Variants in OAS3 observed in about 807,000 individuals in gnomAD.
The protein encoded by OAS3 is 2'-5'-oligoadenylate synthase 3.
A neutral mutation model predicts 113.0 loss-of-function variants in OAS3; 107 were observed. That is an observed-to-expected ratio of 0.95 (90% CI 0.81 to 1.11). The LOEUF is 1.11. Among genes scored for constraint, OAS3 ranks in the 50% most tolerant of loss-of-function variants. The probability of loss-of-function intolerance (pLI) is 0.00; values close to 1 mark genes in which losing one functional copy is unlikely to be tolerated. For synonymous variants in OAS3, 552 were observed against 573.6 expected (o/e 0.96, Z 0.54); for missense variants, 1,258 against 1,389.1 (o/e 0.91, Z 1.50).
In OAS3 at chr12:112,949,943, C is replaced by T. The variant is rs372871875; in HGVS notation, c.1374+738C>T. Reference sequence around the variant, plus strand: ...CTGAGGCAGGAAAATCGCTTGAACCCGGGAGGCGGAGGTTGCAGTGAGCTG... The same window carrying T: ...CTGAGGCAGGAAAATCGCTTGAACCTGGGAGGCGGAGGTTGCAGTGAGCTG... On this transcript the variant is annotated intron_variant, in intron 6 of 15. Coordinates refer to ENST00000228928, the MANE Select transcript of OAS3 (RefSeq NM_006187.4). Among the ~76,000 whole-genome samples the T allele has an allele frequency of 2.0e-4, 31 of 152,238 alleles. No individual in the cohort carries two copies. The South Asian group carries it at 3.5e-3, about 17-fold the overall frequency.
intron 7 of OAS3, 90 bp downstream of exon 7, chr12:112,951,065 A>G (rs2043787501): frequency 2.5e-5 from 34 of 1,341,396 alleles, no homozygotes; most frequent in Non-Finnish European, 3.4e-5. Flanking sequence ...TGTGATCCTA[A>G]TTCTCCTACT....
chr12:112,946,650 C>G (rs867524918), intron 3 of OAS3, 93 bp from the exon 4 acceptor site: 5 of 1,106,904 alleles, frequency 4.5e-6, no homozygotes, highest in Non-Finnish European at 6.5e-6. Flanking sequence ...GCCTCAGGCT[C>G]GGCCTGGAAG....
chr12:112,951,659 T>C (rs117899664), intron 7 of OAS3, among the ~76,000 whole-genome samples: 22 of 152,182 alleles, frequency 1.4e-4, no homozygotes, highest in African/African-American at 4.1e-4. Context: ...ATCAATTCTT[T>C]GGAATTTGTT....
rs1410510614 is a variant in OAS3, at chr12:112,948,968, A to T, written c.1137A>T (p.Ala379=). 8.1e-6 allele frequency: 13 copies of T among 1,613,842 alleles called. No individual in the cohort carries two copies. Among genetic ancestry groups the T allele is most frequent in the Non-Finnish European group, 1.0e-5 (12 of 1,179,882 alleles). Residue 379 remains alanine (A), a synonymous_variant, in exon 6 of 16, where the codon GCA becomes GCT. Transcript: ENST00000228928. ...SKSLNAVYPR[A]GSKPPSCPAP... is the part of the protein sequence containing the mutation. ...GCCTCAATGCTGTGTACCCAAGAGCAGGGAGCAAACCTCCCTCATGCCCAG... is the reference window on the plus strand; with the variant it reads ...GCCTCAATGCTGTGTACCCAAGAGCTGGGAGCAAACCTCCCTCATGCCCAG...
At position 112,941,705 on chromosome 12, in the gene OAS3, C is replaced by G; in HGVS notation, c.313C>G (p.Leu105Val). Residue 105 changes from leucine (L) to valine (V), a missense_variant, in exon 2 of 16, where the codon CTG becomes GTG. Physicochemically the swap from Leu to Val is conservative, Grantham distance 32. Transcript: ENST00000228928. ...GATCCTCAGTGAGATGCGGGCATCGCTGGAATCCTGGTGGCAGAACCCAGT... is the reference window on the plus strand; with the variant it reads ...GATCCTCAGTGAGATGCGGGCATCGGTGGAATCCTGGTGGCAGAACCCAGT... ...AEILSEMRAS[L>V]ESWWQNPVPG... 6.2e-7 allele frequency: 1 copy of G among 1,614,076 alleles called. No homozygotes were observed. Among genetic ancestry groups the G allele is most frequent in the Non-Finnish European group, 8.5e-7 (1 of 1,179,902 alleles).
rs781335794 is a variant in OAS3 at position 112,946,962 on chromosome 12, C to A, written c.856C>A (p.Arg286=). The change falls in exon 4 of 16, where the codon CGG becomes AGG. Residue 286 remains arginine, a synonymous_variant. Transcript: ENST00000228928. The part of the protein sequence containing the change: ...EDPAVGQFLQ[R]QLKRPRPVIL... ...CCCTGCAGTTGGGCAGTTCTTGCAG[C>A]GGCAGCTTAAGAGACCCAGGTACTT... 1 of 1,613,800 alleles carries A rather than the reference C, an allele frequency of 6.2e-7. No individual in the cohort carries two copies. The highest frequency in any genetic ancestry group is 8.5e-7 in the Non-Finnish European group (1 of 1,179,832).
Position 112,962,903 on chromosome 12 carries a change from G to T in OAS3, c.2084+1G>T, listed in dbSNP as rs753735079. On this transcript the variant is annotated splice_donor_variant, in intron 9 of 15. Coordinates refer to ENST00000228928, the MANE Select transcript of OAS3 (RefSeq NM_006187.4). LOFTEE classifies it high-confidence loss of function. ...TTCTTGGCCAGCTTCGAAAACCCAG[G>T]TGAAGACCCGCTTCCCTTTGCCTGG... 2.0e-5 allele frequency: 33 copies of T among 1,612,768 alleles called. 1 individual carries two copies. The highest frequency in any genetic ancestry group is 2.7e-5 in the African/African-American group (2 of 74,866).
At chr12:112,943,071 G>A (rs1258938998) in intron 2 of OAS3, among the ~76,000 whole-genome samples, 1 of 151,872 alleles carries the variant, frequency 6.6e-6, no homozygotes, top group African/African-American at 2.4e-5. Context: ...GAGTAGCTGG[G>A]CTACAGGCAT....
intron 2 of OAS3, chr12:112,942,307 G>A (rs1228572734): frequency 1.5e-5 from 4 of 273,456 alleles, no homozygotes; most frequent in Non-Finnish European, 2.8e-5. Context: ...ATAAAAATAG[G>A]CCTCTGTGTC....
At chr12:112,944,073 G>A (rs2043704982) in intron 2 of OAS3, among the ~76,000 whole-genome samples, 2 of 152,290 alleles carry the variant, frequency 1.3e-5, no homozygotes, top group African/African-American at 2.4e-5. Context: ...TTTCCTCTCC[G>A]TGACACCTCT....
At chr12:112,944,453 C>G in intron 2 of OAS3, 23 bp from the exon 3 acceptor site, 1 of 1,613,768 alleles carries the variant, frequency 6.2e-7, no homozygotes, top group Non-Finnish European at 8.5e-7. Context: ...CCCTCCCTAA[C>G]TCACAGCGCT....
At chr12:112,946,019 A>T (rs1447687578) in intron 3 of OAS3, among the ~76,000 whole-genome samples, 1 of 151,996 alleles carries the variant, frequency 6.6e-6, no homozygotes, top group Non-Finnish European at 1.5e-5. Flanking sequence ...TAATACAACT[A>T]TGGAGCCAGC....
rs754317509 is a variant in OAS3, at chr12:112,948,893, C to A, written c.1062C>A (p.Gly354=). 7 of 1,594,894 alleles carry A rather than the reference C, an allele frequency of 4.4e-6. No homozygotes were observed. In the Admixed American group the frequency reaches 1.2e-4, roughly 28 times the overall value. Reference sequence around the variant, plus strand: ...CACGTGCTGGATGCTCAGGTTTGGGCCACCCCATCCAGCTAGACCCTAACC... The same window carrying A: ...CACGTGCTGGATGCTCAGGTTTGGGACACCCCATCCAGCTAGACCCTAACC... ...GLPRAGCSGL[G]HPIQLDPNQK... The change falls in exon 6 of 16, where the codon GGC becomes GGA. Residue 354 remains glycine (G), a synonymous_variant. Coordinates refer to ENST00000228928, the MANE Select transcript of OAS3 (RefSeq NM_006187.4).
rs762398704 is a variant in OAS3, at chr12:112,962,736, T to G, written c.1918T>G (p.Trp640Gly). ...CCTGGAGCTCCTCACCATCTTTGCC[T>G]GGGAGCAGGGCTGCAGGCAGGATTG... ...YALELLTIFA[W>G]EQGCRQDCFN... The change falls in exon 9 of 16, where the codon TGG becomes GGG. Residue 640 changes from tryptophan to glycine, a missense_variant. By Grantham distance (184) the Trp-to-Gly change is radical. Coordinates refer to ENST00000228928, the MANE Select transcript of OAS3 (RefSeq NM_006187.4). 6.2e-6 allele frequency: 10 copies of G among 1,613,882 alleles called. No homozygotes were observed. The highest frequency in any genetic ancestry group is 2.5e-6 in the Non-Finnish European group (3 of 1,179,888).
intron 14 of OAS3, 58 bp from the exon 15 acceptor site, chr12:112,969,550 C>G (rs1464915296): frequency 1.0e-5 from 16 of 1,555,418 alleles, no homozygotes; most frequent in Non-Finnish European, 1.4e-5. Flanking sequence ...CAACCAGTGC[C>G]ACAGGTGGAC....
In OAS3 at chr12:112,954,281, TTTG is replaced by T. The variant is rs71445586; in HGVS notation, c.1657+3330_1657+3332del. ...CATTTCTTGTTTGTCTGTTTGTTTG[TTTG>T]TTGTTGTTGTTGTTGTTGTTGTTTG... On this transcript the variant is annotated intron_variant, in intron 7 of 15. Transcript: ENST00000228928. The surrounding 1 kb of genome is among the most constrained non-coding windows in gnomAD (Gnocchi z 4.0). Among the ~76,000 whole-genome samples, 18,888 of 151,342 alleles carry T rather than the reference TTTG, an allele frequency of 0.12. 1,288 individuals are homozygous for T. The highest frequency in any genetic ancestry group is 0.19 in the Middle Eastern group (55 of 292).
Position 112,968,148 on chromosome 12 carries a change from C to T in OAS3, c.3078C>T (p.Phe1026=). Reference sequence around the variant, plus strand: ...CCAAGGACAAGACTGTTGGAGACTTCCTGAAACAGCAGCTTCAGAAGCCCA... The same window carrying T: ...CCAAGGACAAGACTGTTGGAGACTTTCTGAAACAGCAGCTTCAGAAGCCCA... ...YNAKDKTVGD[F]LKQQLQKPRP... The change falls in exon 14 of 16, where the codon TTC becomes TTT. Residue 1026 remains phenylalanine, a synonymous_variant. Transcript: ENST00000228928. 1 of 1,613,480 alleles carries T rather than the reference C, an allele frequency of 6.2e-7. No homozygotes were observed. The highest frequency in any genetic ancestry group is 8.5e-7 in the Non-Finnish European group (1 of 1,179,580).
At chr12:112,961,748 C>T (rs144739779) in intron 8 of OAS3, among the ~76,000 whole-genome samples, 9 of 151,780 alleles carry the variant, frequency 5.9e-5, no homozygotes, top group East Asian at 1.9e-4. Context: ...TGCCTGAAAG[C>T]AGATCTACTC....
chr12:112,963,187 C>T lies in OAS3; in HGVS notation c.2085-126C>T. 2.4e-6 allele frequency: 3 copies of T among 1,233,766 alleles called. No homozygotes were observed. The highest frequency in any genetic ancestry group is 3.3e-6 in the Non-Finnish European group (3 of 911,386). 76.4% of individuals were successfully genotyped at this position (1,233,766 alleles called of 1,614,324 possible). ...AATTGAGATCGCTTCTGCACTTGGG[C>T]AAGACTGAGCCAACCCTGAGGTCCT... On this transcript the variant is annotated intron_variant, in intron 9 of 15. Transcript: ENST00000228928. This position sits in a 1 kb window ranked among gnomAD's most constrained non-coding sequence, Gnocchi z 4.6.
Sources: allele counts gnomAD v4.1 joint callset (sites outside exome capture counted in the v4.1 genomes callset), GRCh38; gene constraint gnomAD v4.1.1; non-coding constraint Gnocchi (gnomAD v3.1); transcripts MANE v1.5; gene names NCBI Gene and HGNC (gene_info 2026-07-23, HGNC 2026-07-21).